Variants in ANKRD36C observed in about 807,000 individuals in gnomAD.
The protein encoded by ANKRD36C is ankyrin repeat domain-containing protein 36C.
A neutral mutation model predicts 276.4 loss-of-function variants in ANKRD36C; 61 were observed. The observed-to-expected ratio is 0.22, with a 90% CI of 0.18 to 0.27. The LOEUF (loss-of-function observed/expected upper bound fraction) is 0.27. Among genes scored for constraint, ANKRD36C ranks in the 10% least tolerant of loss-of-function variants. The pLI is 1.00. For synonymous variants in ANKRD36C, 483 were observed against 680.1 expected, an observed-to-expected ratio of 0.71 and a Z score of 4.51; for missense variants, 1,447 against 2,032.3, an observed-to-expected ratio of 0.71 and a Z score of 5.54.
intron 6 of ANKRD36C, among the ~76,000 whole-genome samples, chr2:95,969,522 G>A (rs545846961): frequency 5.1e-4 from 77 of 152,138 alleles, no homozygotes; most frequent in African/African-American, 1.4e-3. Flanking sequence ...GATGTGAATC[G>A]TCCCTTTGTC....
intron 16 of ANKRD36C, among the ~76,000 whole-genome samples, chr2:95,949,542 T>C (rs1211950799): frequency 6.6e-6 from 1 of 152,218 alleles, no homozygotes; most frequent in Non-Finnish European, 1.5e-5. Flanking sequence ...TCCACTTTCA[T>C]TGGGTTCAAC....
rs781324090 is a variant in ANKRD36C, at chr2:95,923,642, T to A, written c.2070+19A>T. 1 of 1,610,060 alleles carries A rather than the reference T, an allele frequency of 6.2e-7. No individual in the cohort carries two copies. Among genetic ancestry groups the A allele is most frequent in the African/African-American group, 1.3e-5 (1 of 74,754 alleles). On this transcript the variant is annotated intron_variant, in intron 31 of 66. Coordinates refer to ENST00000456556, the Ensembl canonical transcript of ANKRD36C. ...ACTATACAGTTACTAATACAAAATATAAATGAGAGTTTAATTACCTTTGAG... is the reference window on the plus strand; with the variant it reads ...ACTATACAGTTACTAATACAAAATAAAAATGAGAGTTTAATTACCTTTGAG...
chr2:95,849,869 A>G (rs1675251845), downstream of ANKRD36C, among the ~76,000 whole-genome samples: 1 of 152,206 alleles, frequency 6.6e-6, no homozygotes, highest in South Asian at 2.1e-4. Context: ...GGAAATACAG[A>G]TGAAGCTTCA....
intron 42 of ANKRD36C, 139 bp from the exon 45 acceptor site, chr2:95,910,707 G>C (rs1016135581): frequency 9.2e-5 from 136 of 1,484,404 alleles, no homozygotes; most frequent in Non-Finnish European, 1.1e-4. Flanking sequence ...TTGTGTCTGG[G>C]GACTAGAACA....
chr2:95,968,790 T>G (rs552089489), intron 6 of ANKRD36C, among the ~76,000 whole-genome samples: 239 of 152,322 alleles, frequency 1.6e-3, no homozygotes, highest in Non-Finnish European at 2.2e-3. Context: ...AACTTCCAGT[T>G]GGACTTCAAG....
chr2:95,889,773 C>T (rs113160495), intron 48 of ANKRD36C, 26 bp downstream of exon 68: 3 of 1,564,746 alleles, frequency 1.9e-6, no homozygotes, highest in Non-Finnish European at 2.6e-6. Flanking sequence ...GAACGAACAT[C>T]CTATTAAATG....
At chr2:95,985,007 G>A (rs1372527941) in intron 3 of ANKRD36C, among the ~76,000 whole-genome samples, 1 of 152,098 alleles carries the variant, frequency 6.6e-6, no homozygotes, top group African/African-American at 2.4e-5. Context: ...TTTAAAAAAA[G>A]GTTTAGAATT....
At chr2:95,908,465 G>A in intron 42 of ANKRD36C, 37 bp downstream of exon 48, 1 of 1,464,104 alleles carries the variant, frequency 6.8e-7, no homozygotes, top group Admixed American at 2.1e-5. Context: ...TTATCTATCT[G>A]GACTGAACAT....
intron 26 of ANKRD36C, 115 bp from the exon 27 acceptor site, chr2:95,927,524 T>C (rs1433093775): frequency 1.3e-6 from 2 of 1,490,694 alleles, no homozygotes; most frequent in African/African-American, 2.8e-5. Context: ...GTGTAGGCTT[T>C]GATGTTTTCT....
intron 20 of ANKRD36C, among the ~76,000 whole-genome samples, 191 bp downstream of exon 20, chr2:95,940,964 TTAATG>T (rs1200570263): frequency 2.0e-5 from 3 of 148,918 alleles, no homozygotes; most frequent in African/African-American, 7.3e-5. Flanking sequence ...GGCTTATAAT[TTAATG>T]TAATTTAACA....
chr2:95,937,174 A>C (rs1677741408), intron 22 of ANKRD36C, among the ~76,000 whole-genome samples: 1 of 152,308 alleles, frequency 6.6e-6, no homozygotes. Flanking sequence ...ATTATGTGTT[A>C]TGTGTTCCAG....
At chr2:95,924,133 G>A (rs1356878509) in intron 30 of ANKRD36C, among the ~76,000 whole-genome samples, 1 of 151,618 alleles carries the variant, frequency 6.6e-6, no homozygotes, top group Non-Finnish European at 1.5e-5. Context: ...TGATAACTGA[G>A]AAGGTACACA....
chr2:95,852,065 C>T (rs1675305623), intron 65 of ANKRD36C, 61 bp downstream of exon 85: 1 of 1,509,934 alleles, frequency 6.6e-7, no homozygotes, highest in Non-Finnish European at 9.1e-7. Context: ...AATTTTCATA[C>T]TACAGTGCTC....
chr2:95,922,262 C>T (rs1037064608), intron 32 of ANKRD36C, among the ~76,000 whole-genome samples: 5 of 151,614 alleles, frequency 3.3e-5, no homozygotes, highest in African/African-American at 1.2e-4. Flanking sequence ...TGAGAAGGTA[C>T]ACATTTACAG....
At chr2:95,921,888 C>T in intron 32 of ANKRD36C, 78 bp from the exon 33 acceptor site, 1 of 1,408,912 alleles carries the variant, frequency 7.1e-7, no homozygotes, top group Middle Eastern at 2.6e-4. Context: ...TAGCATCAAG[C>T]TGTATCTGCC....
exon 63 of ANKRD36C, chr2:95,855,412 T>C (rs767719426): frequency 1.5e-5 from 25 of 1,613,410 alleles, no homozygotes; most frequent in Non-Finnish European, 1.9e-5. Flanking sequence ...GCATCACATC[T>C]GGCTTGAATA....
At chr2:95,939,146 T>C (rs1426717923) in intron 20 of ANKRD36C, 131 bp from the exon 21 acceptor site, 4 of 1,471,074 alleles carry the variant, frequency 2.7e-6, no homozygotes, top group Non-Finnish European at 3.6e-6. Flanking sequence ...AGGCTTTGGG[T>C]TGTTTTGCTC....
intron 64 of ANKRD36C, chr2:95,852,879 A>C (rs1208466338): frequency 1.3e-5 from 2 of 152,318 alleles, no homozygotes; most frequent in African/African-American, 4.8e-5. Flanking sequence ...CTCCCATTGA[A>C]TAGCAGGACT....
At chr2:95,942,529 A>G (rs370778724) in intron 19 of ANKRD36C, among the ~76,000 whole-genome samples, 143 of 130,434 alleles carry the variant, frequency 1.1e-3, no homozygotes, top group South Asian at 3.8e-3. Flanking sequence ...CATTTTAAGT[A>G]CTACTAAAAT....
Sources: allele counts gnomAD v4.1 joint callset (sites outside exome capture counted in the v4.1 genomes callset), GRCh38; gene constraint gnomAD v4.1.1; transcripts MANE v1.5; gene names NCBI Gene and HGNC (gene_info 2026-07-23, HGNC 2026-07-21).